The following GLIS3 variants were observed in gnomAD, a reference collection of about 807,000 sequenced individuals.
GLIS3 encodes the protein zinc finger protein GLIS3.
A neutral mutation model predicts 78.6 loss-of-function variants in GLIS3; 53 were observed. The ratio of observed to expected loss-of-function variants is 0.67; its 90% CI spans 0.54 to 0.85. GLIS3 has a LOEUF of 0.85. Ranked by LOEUF, GLIS3 falls within the 40% of genes least tolerant of loss-of-function variation. The pLI, the probability that GLIS3 is intolerant of heterozygous loss-of-function variation, is 0.00. For missense variants in GLIS3, 1,703 were observed against 1,231.1 expected, an observed-to-expected ratio of 1.38 and a Z score of -5.74; for synonymous variants, 684 against 509.9, an observed-to-expected ratio of 1.34 and a Z score of -4.60.
chr9:4,105,911 TG>T (rs1432605232), intron 4 of GLIS3, among the ~76,000 whole-genome samples: 1 of 152,052 alleles, frequency 6.6e-6, no homozygotes, highest in Non-Finnish European at 1.5e-5. Flanking sequence ...TCACCAGCAG[TG>T]GGTCAATTCA....
chr9:3,855,821 T>A (rs1450354007), intron 9 of GLIS3, 188 bp downstream of exon 9: 15 of 668,644 alleles, frequency 2.2e-5, no homozygotes, highest in Non-Finnish European at 4.0e-5. Context: ...CATACCATCA[T>A]CAGGCCAAAG....
chr9:3,914,993 GTCTTAGAGCAATGCA>G (rs1824407599), intron 6 of GLIS3, among the ~76,000 whole-genome samples: 1 of 166 alleles, frequency 6.0e-3, no homozygotes. Flanking sequence ...AGCACTGTAT[GTCTTAGAGCAATGCA>G]TGTCTTAGAG....
intron 4 of GLIS3, among the ~76,000 whole-genome samples, chr9:4,086,045 C>G (rs1828995026): frequency 6.6e-6 from 1 of 152,206 alleles, no homozygotes; most frequent in Non-Finnish European, 1.5e-5. Flanking sequence ...GTGCTTTTAA[C>G]CATTTCTTTG....
intron 2 of GLIS3, among the ~76,000 whole-genome samples, chr9:4,278,693 C>G (rs1414649113): frequency 6.6e-6 from 1 of 152,182 alleles, no homozygotes; most frequent in East Asian, 1.9e-4. Context: ...CTGATTCTGA[C>G]AAGTATCATC....
chr9:4,105,751 G>T (rs1227982483), intron 4 of GLIS3, among the ~76,000 whole-genome samples: 1 of 152,078 alleles, frequency 6.6e-6, no homozygotes, highest in Non-Finnish European at 1.5e-5. Flanking sequence ...CCCTTATTCA[G>T]ATTATACAGC....
intron 2 of GLIS3, among the ~76,000 whole-genome samples, chr9:4,249,894 AG>A (rs1824187515): frequency 6.6e-6 from 1 of 152,126 alleles, no homozygotes; most frequent in South Asian, 2.1e-4. Flanking sequence ...TTTTTGTCAT[AG>A]GTTCTGTTTA....
intron 8 of GLIS3, among the ~76,000 whole-genome samples, chr9:3,877,038 CAAT>C (rs1821362956): frequency 6.6e-6 from 1 of 151,986 alleles, no homozygotes; most frequent in Admixed American, 6.6e-5. Context: ...AAAGGAGACT[CAAT>C]GATCGTTTTT....
the GLIS3 span, among the ~76,000 whole-genome samples, chr9:4,429,358 G>A: frequency 7.9e-5 from 12 of 151,364 alleles, no homozygotes; most frequent in East Asian, 2.1e-3. Flanking sequence ...TTGACCCACC[G>A]GATTTCTTCT....
intron 2 of GLIS3, among the ~76,000 whole-genome samples, chr9:4,219,687 A>G (rs1200250842): frequency 6.6e-6 from 1 of 152,226 alleles, no homozygotes; most frequent in Non-Finnish European, 1.5e-5. Context: ...CTTTCAATGA[A>G]AAAAACATGA....
intron 2 of GLIS3, among the ~76,000 whole-genome samples, chr9:4,166,464 G>A (rs145136357): frequency 1.2e-3 from 177 of 152,268 alleles, no homozygotes; most frequent in African/African-American, 3.9e-3. Flanking sequence ...CACTTAAGAC[G>A]TGATGGGAAG....
At chr9:3,950,652 A>AGTG (rs1462474721) in intron 4 of GLIS3, among the ~76,000 whole-genome samples, 2 of 152,230 alleles carry the variant, frequency 1.3e-5, no homozygotes, top group Non-Finnish European at 2.9e-5. Context: ...TCTCTGTCCC[A>AGTG]GTGGTTATGT....
intron 2 of GLIS3, among the ~76,000 whole-genome samples, chr9:4,150,324 T>C (rs2131034198): frequency 6.6e-6 from 1 of 152,322 alleles, no homozygotes. Flanking sequence ...CCTCTGCTTT[T>C]ACTAACCAAT....
upstream of GLIS3, among the ~76,000 whole-genome samples, chr9:4,352,981 T>A (rs1817994054): frequency 6.6e-6 from 1 of 152,190 alleles, no homozygotes; most frequent in African/African-American, 2.4e-5. Context: ...TCCTTCAGGG[T>A]TCCAGACCTC....
Position 3,856,004 on chromosome 9 carries a change from C to T in GLIS3, c.2473+5G>A, listed in dbSNP as rs1243492677. 3.7e-6 allele frequency: 6 copies of T among 1,614,098 alleles called. No individual in the cohort carries two copies. In the South Asian group the frequency reaches 5.5e-5, roughly 15 times the overall value. On this transcript the variant is annotated splice_donor_5th_base_variant and intron_variant, in intron 9 of 10. Coordinates refer to ENST00000381971, the MANE Select transcript of GLIS3 (RefSeq NM_001042413.2). ...AACTCAAGGGACTGCCAGCTTCTTG[C>T]TTACCATGGACATGGATACCATTTG...
intron 4 of GLIS3, among the ~76,000 whole-genome samples, chr9:3,982,884 G>C (rs1030057521): frequency 1.3e-5 from 2 of 152,178 alleles, no homozygotes; most frequent in African/African-American, 4.8e-5. Flanking sequence ...AGGGTCACTG[G>C]CTCTTAAATA....
chr9:4,084,951 T>A (rs1043415328), intron 4 of GLIS3, among the ~76,000 whole-genome samples: 1 of 151,032 alleles, frequency 6.6e-6, no homozygotes, highest in African/African-American at 2.4e-5. Context: ...CCATCCTAGA[T>A]GAAAAGTGGC....
the GLIS3 span, among the ~76,000 whole-genome samples, chr9:4,453,627 A>C: frequency 6.6e-6 from 1 of 152,208 alleles, no homozygotes; most frequent in Non-Finnish European, 1.5e-5. Flanking sequence ...GACTGGATTA[A>C]GAAAATGTGG....
At chr9:4,448,867 T>G in the GLIS3 span, among the ~76,000 whole-genome samples, 1 of 152,172 alleles carries the variant, frequency 6.6e-6, no homozygotes, top group Non-Finnish European at 1.5e-5. Flanking sequence ...GATGGCCAAA[T>G]AGGAATAGCT....
At chr9:4,335,986 G>C (rs1817750602) in intron 2 of GLIS3, among the ~76,000 whole-genome samples, 1 of 152,194 alleles carries the variant, frequency 6.6e-6, no homozygotes, top group Admixed American at 6.5e-5. Context: ...GAAAGGGCAG[G>C]GAGCAAGCAG....
Sources: allele counts gnomAD v4.1 joint callset (sites outside exome capture counted in the v4.1 genomes callset), GRCh38; gene constraint gnomAD v4.1.1; transcripts MANE v1.5; gene names NCBI Gene and HGNC (gene_info 2026-07-23, HGNC 2026-07-21).